Variants in FAM107B observed in about 807,000 individuals in gnomAD.
The protein encoded by FAM107B is family with sequence similarity 107 member B.
In FAM107B, 21 loss-of-function variants were observed where a neutral mutation model predicts 31.5. The ratio of observed to expected loss-of-function variants is 0.67; its 90% confidence interval spans 0.47 to 0.96. The LOEUF is 0.96. Among genes scored for constraint, FAM107B ranks in the 40% least tolerant of loss-of-function variants. FAM107B has a pLI of 0.00. For synonymous variants in FAM107B, 157 were observed against 141.5 expected (o/e 1.11, Z -0.78); for missense variants, 452 against 377.1 (o/e 1.20, Z -1.64).
At position 14,731,051 on chromosome 10, in the gene FAM107B, C is replaced by T. The variant is rs17267436; in HGVS notation, c.411+43202G>A. ...AGGGAGAGGGCTTAGCAGGCACAGG[C>T]GGATATTACAGACTTTGTTTTGAAC... is the stretch of plus-strand genomic sequence containing the variant. On this transcript the variant is annotated intron_variant, in intron 1 of 4. Coordinates refer to ENST00000181796, the MANE Select transcript of FAM107B (RefSeq NM_031453.4). Among the ~76,000 whole-genome samples, 28 of 152,156 alleles carry T rather than the reference C, an allele frequency of 1.8e-4. No individual in the cohort carries two copies. The South Asian group carries it at 4.4e-3, about 24-fold the overall frequency.
At chr10:14,658,295 T>TACAACCCAC (rs1854126397) in intron 2 of FAM107B, among the ~76,000 whole-genome samples, 2 of 152,184 alleles carry the variant, frequency 1.3e-5, no homozygotes, top group African/African-American at 4.8e-5. Context: ...GCATTTCCCC[T>TACAACCCAC]AAGAAAAGAC....
chr10:14,657,515 C>T (rs540925594), intron 2 of FAM107B, among the ~76,000 whole-genome samples: 2 of 152,284 alleles, frequency 1.3e-5, no homozygotes, highest in South Asian at 4.1e-4. Flanking sequence ...ATCTTCACCC[C>T]CACCCCTGGT....
chr10:14,542,971 A>G (rs1156462881), intron 2 of FAM107B, among the ~76,000 whole-genome samples: 10 of 152,226 alleles, frequency 6.6e-5, no homozygotes, highest in African/African-American at 1.4e-4. Flanking sequence ...AAAACTTCTA[A>G]GCAATGGAAA....
intron 2 of FAM107B, among the ~76,000 whole-genome samples, chr10:14,586,317 T>C (rs762227224): frequency 3.7e-4 from 56 of 152,172 alleles, no homozygotes; most frequent in Non-Finnish European, 6.6e-4. Flanking sequence ...CTGTGGTAGA[T>C]TTAAAAATAA....
At chr10:14,667,730 A>G in intron 1 of FAM107B, 39 bp from the exon 2 acceptor site, 1 of 1,608,788 alleles carries the variant, frequency 6.2e-7, no homozygotes, top group Non-Finnish European at 8.5e-7. Context: ...GCAGGGAGAA[A>G]GTAAAAATAT....
Position 14,666,578 on chromosome 10 carries a change from A to C in FAM107B, c.469+1056T>G, listed in dbSNP as rs566621717. ...AGATTGGAATGAGAATCATGAAAAA[A>C]AAATGTGTAATGGGATGAAGAGTGA... On this transcript the variant is annotated intron_variant, in intron 2 of 4. Transcript: ENST00000181796. Among the ~76,000 whole-genome samples, 5 of 152,306 alleles carry C rather than the reference A, an allele frequency of 3.3e-5. No individual in the cohort carries two copies. The South Asian group carries it at 8.3e-4, about 25-fold the overall frequency.
In FAM107B at chr10:14,684,563, T is replaced by C. The variant is rs549515098; in HGVS notation, c.412-16872A>G. On this transcript the variant is annotated intron_variant, in intron 1 of 4. Transcript: ENST00000181796. ...GCCCCACCCTCCTAATAGCCTAATATGTTAGGATTTCAACATAGGAATTTC... is the reference window on the plus strand; with the variant it reads ...GCCCCACCCTCCTAATAGCCTAATACGTTAGGATTTCAACATAGGAATTTC... Among the ~76,000 whole-genome samples, 16 of 152,296 alleles carry C rather than the reference T, an allele frequency of 1.1e-4. No homozygotes were observed. The East Asian group carries it at 2.9e-3, about 28-fold the overall frequency.
intron 1 of FAM107B, among the ~76,000 whole-genome samples, chr10:14,744,856 C>T (rs975229464): frequency 6.6e-6 from 1 of 152,108 alleles, no homozygotes; most frequent in East Asian, 1.9e-4. Context: ...CTCTTTGTAC[C>T]TCTGGTAGAA....
chr10:14,678,089 G>A (rs1161093850), intron 1 of FAM107B, among the ~76,000 whole-genome samples: 1 of 152,190 alleles, frequency 6.6e-6, no homozygotes. Context: ...AGTAAGTGCT[G>A]GAACCTGACG....
At chr10:14,658,822 A>G (rs1362820871) in intron 2 of FAM107B, among the ~76,000 whole-genome samples, 1 of 152,240 alleles carries the variant, frequency 6.6e-6, no homozygotes, top group South Asian at 2.1e-4. Flanking sequence ...TTGCAGCAGG[A>G]CAAAAAATGG....
intron 2 of FAM107B, among the ~76,000 whole-genome samples, chr10:14,595,873 C>T (rs1000024003): frequency 6.6e-6 from 1 of 152,194 alleles, no homozygotes; most frequent in Non-Finnish European, 1.5e-5. Flanking sequence ...AGCGGCACCC[C>T]GGCTGGTCTC....
At chr10:14,713,742 C>T (rs1044684818) in intron 1 of FAM107B, among the ~76,000 whole-genome samples, 4 of 152,080 alleles carry the variant, frequency 2.6e-5, no homozygotes, top group African/African-American at 9.7e-5. Flanking sequence ...ATGTTCATTG[C>T]AGCGCTATTC....
chr10:14,620,937 G>C (rs1021980437), intron 2 of FAM107B, among the ~76,000 whole-genome samples: 5 of 151,984 alleles, frequency 3.3e-5, no homozygotes, highest in Non-Finnish European at 5.9e-5. Flanking sequence ...AGTATTTCTT[G>C]GTTTTGATGT....
intron 2 of FAM107B, among the ~76,000 whole-genome samples, chr10:14,640,519 A>G (rs1286185581): frequency 6.6e-6 from 1 of 152,172 alleles, no homozygotes; most frequent in Non-Finnish European, 1.5e-5. Flanking sequence ...CCCTGGACCA[A>G]CAGAGCTCTG....
rs1288261618 is a variant in FAM107B, at chr10:14,520,309, A to G, written c.*881T>C. On this transcript the variant is annotated 3_prime_UTR_variant, in exon 5 of 5. Coordinates refer to ENST00000181796, the MANE Select transcript of FAM107B (RefSeq NM_031453.4). Reference sequence around the variant, plus strand: ...AACCTTCCCCACTCTCCTCTTGGAGAAATGAAAAGATGTGGCGGCTTCTAC... The same window carrying G: ...AACCTTCCCCACTCTCCTCTTGGAGGAATGAAAAGATGTGGCGGCTTCTAC... The G allele has an allele frequency of 6.6e-6, 1 of 152,160 alleles. No individual in the cohort carries two copies. Among genetic ancestry groups the G allele is most frequent in the Non-Finnish European group, 1.5e-5 (1 of 68,026 alleles). 9.4% of individuals were successfully genotyped at this position (152,160 alleles called of 1,614,324 possible). A position where few individuals can be genotyped will look rare whatever the true frequency, so the allele number is the denominator to read the frequency against.
At chr10:14,734,489 T>TGTTTTTGTTTTTTTTG (rs59484378) in intron 1 of FAM107B, among the ~76,000 whole-genome samples, 1 of 112,106 alleles carries the variant, frequency 8.9e-6, no homozygotes, top group Non-Finnish European at 1.7e-5. Flanking sequence ...TTTTGTGAGG[T>TGTTTTTGTTTTTTTTG]TTTTTTTTTT....
chr10:14,766,841 T>C (rs999273644), intron 1 of FAM107B, among the ~76,000 whole-genome samples: 1 of 150,418 alleles, frequency 6.6e-6, no homozygotes, highest in Non-Finnish European at 1.5e-5. Context: ...CAGAAAGACT[T>C]GGATCATGTG....
rs1157748304 is a variant in FAM107B, at chr10:14,521,285, A to G, written c.826T>C (p.Leu276=). 2.5e-6 allele frequency: 4 copies of G among 1,614,050 alleles called. No individual in the cohort carries two copies. Among genetic ancestry groups the G allele is most frequent in the Non-Finnish European group, 3.4e-6 (4 of 1,179,958 alleles). ...LEQLELEKQK[L]QEEQENAPEF... is the part of the protein sequence containing the mutation. The stretch of plus-strand genomic sequence containing the variant: ...GGGGCATTTTCTTGCTCTTCTTGCA[A>G]TTTCTGCTTCTCAAGTTCAAGCTAA... The change falls in exon 5 of 5, where the codon TTG becomes CTG. Residue 276 remains leucine, a synonymous_variant. Coordinates refer to ENST00000181796, the MANE Select transcript of FAM107B (RefSeq NM_031453.4).
chr10:14,595,901 C>T (rs183719475), intron 2 of FAM107B, among the ~76,000 whole-genome samples: 1 of 152,320 alleles, frequency 6.6e-6, no homozygotes, highest in East Asian at 1.9e-4. Flanking sequence ...CTATTCCTGG[C>T]CCTCTGCAGT....
Sources: gnomAD v4.1 joint callset for allele counts (sites outside exome capture counted in the v4.1 genomes callset) on GRCh38, gnomAD v4.1.1 for gene constraint, MANE v1.5 for transcripts, NCBI Gene and HGNC (gene_info 2026-07-23, HGNC 2026-07-21) for gene names.